The following ZZZ3 variants were observed in gnomAD, a reference collection of about 807,000 sequenced individuals.
The protein encoded by ZZZ3 is ZZ-type zinc finger-containing protein 3.
Under a neutral mutation model 95.2 loss-of-function variants are expected in ZZZ3, and 22 were observed. That is an observed-to-expected ratio of 0.23 (90% CI 0.17 to 0.33). The LOEUF is 0.33. ZZZ3 is among the 10% of genes least tolerant of loss of function. The pLI is 1.00. For missense variants in ZZZ3, 885 were observed against 1,066.5 expected (o/e 0.83, Z 2.37); for synonymous variants, 335 against 358.9 (o/e 0.93, Z 0.75).
intron 1 of ZZZ3, among the ~76,000 whole-genome samples, chr1:77,650,228 A>G (rs1385744780): frequency 6.6e-6 from 1 of 152,210 alleles, no homozygotes; most frequent in Non-Finnish European, 1.5e-5. Flanking sequence ...GGGAACAAAA[A>G]GCATATAGAA....
chr1:77,671,669 T>C, intron 1 of ZZZ3, among the ~76,000 whole-genome samples: 1 of 152,164 alleles, frequency 6.6e-6, no homozygotes, highest in East Asian at 1.9e-4. Flanking sequence ...TGATAATGAA[T>C]AGAGTATCTA....
intron 5 of ZZZ3, among the ~76,000 whole-genome samples, chr1:77,609,791 T>TG (rs1189674898): frequency 6.6e-6 from 1 of 151,998 alleles, no homozygotes; most frequent in Non-Finnish European, 1.5e-5. Context: ...GAATGACCCG[T>TG]GGGTCAATGA....
chr1:77,600,309 T>C (rs1664608536), intron 5 of ZZZ3, among the ~76,000 whole-genome samples: 1 of 152,108 alleles, frequency 6.6e-6, no homozygotes, highest in African/African-American at 2.4e-5. Flanking sequence ...TCTAAATACC[T>C]GAAGAACCAG....
intron 4 of ZZZ3, among the ~76,000 whole-genome samples, chr1:77,635,963 T>C (rs906939140): frequency 6.6e-6 from 1 of 152,136 alleles, no homozygotes; most frequent in African/African-American, 2.4e-5. Context: ...AACTTACTTG[T>C]TTCATGTATC....
chr1:77,606,860 C>T (rs776401592), intron 5 of ZZZ3, among the ~76,000 whole-genome samples: 2 of 152,184 alleles, frequency 1.3e-5, no homozygotes, highest in Non-Finnish European at 2.9e-5. Context: ...AGGACAGCTA[C>T]AAACAAGCCC....
intron 4 of ZZZ3, among the ~76,000 whole-genome samples, chr1:77,638,459 T>C (rs866605233): frequency 6.6e-6 from 1 of 152,308 alleles, no homozygotes; most frequent in Non-Finnish European, 1.5e-5. Context: ...ATAATAATTA[T>C]TAAACAAAAA....
Position 77,633,172 on chromosome 1 carries a change from T to A in ZZZ3, c.183A>T (p.Lys61Asn). Reference sequence around the variant, plus strand: ...CAGTGGTTCTCCCATTATTATTTCCTTTCTGAATTGGCACAGGCTCTGGTC... The same window carrying A: ...CAGTGGTTCTCCCATTATTATTTCCATTCTGAATTGGCACAGGCTCTGGTC... ...KKRPEPVPIQ[K>N]GNNNGRTTDL... Residue 61 changes from lysine to asparagine, a missense_variant, in exon 5 of 15, where the codon AAA becomes AAT. Coordinates refer to ENST00000370801, the MANE Select transcript of ZZZ3 (RefSeq NM_015534.6). 6.2e-7 allele frequency: 1 copy of A among 1,614,064 alleles called. No homozygotes were observed.
At chr1:77,571,715 G>T (rs936015912) in intron 12 of ZZZ3, among the ~76,000 whole-genome samples, 1 of 152,146 alleles carries the variant, frequency 6.6e-6, no homozygotes, top group Admixed American at 6.5e-5. Context: ...ACTTATTTGA[G>T]GTATGTAGAG....
intron 1 of ZZZ3, among the ~76,000 whole-genome samples, chr1:77,674,249 G>C (rs1026944942): frequency 1.3e-5 from 2 of 152,134 alleles, no homozygotes; most frequent in Admixed American, 1.3e-4. Flanking sequence ...GTACAAATCA[G>C]GTTGAGTTAT....
At chr1:77,589,529 C>T (rs1663456829) in intron 5 of ZZZ3, among the ~76,000 whole-genome samples, 1 of 151,900 alleles carries the variant, frequency 6.6e-6, no homozygotes, top group Non-Finnish European at 1.5e-5. Context: ...CCTCAAACTC[C>T]TGGGCTAAAG....
chr1:77,628,825 C>T (rs1667540667), intron 5 of ZZZ3, among the ~76,000 whole-genome samples: 1 of 152,206 alleles, frequency 6.6e-6, no homozygotes, highest in Non-Finnish European at 1.5e-5. Context: ...TCATTCCCTA[C>T]TGGTAGAGAT....
chr1:77,588,838 A>G (rs187448791), intron 5 of ZZZ3, among the ~76,000 whole-genome samples: 2 of 152,328 alleles, frequency 1.3e-5, no homozygotes, highest in East Asian at 1.9e-4. Flanking sequence ...ATCTTACACA[A>G]TGCTAACAAC....
intron 5 of ZZZ3, among the ~76,000 whole-genome samples, chr1:77,613,983 T>G (rs1666068679): frequency 6.6e-6 from 1 of 152,162 alleles, no homozygotes; most frequent in Non-Finnish European, 1.5e-5. Flanking sequence ...GCATGACATC[T>G]TTTTAAAAAC....
intron 5 of ZZZ3, among the ~76,000 whole-genome samples, chr1:77,603,159 G>A (rs1442749781): frequency 6.6e-6 from 1 of 151,894 alleles, no homozygotes; most frequent in African/African-American, 2.4e-5. Context: ...GCTCACTGCA[G>A]CCTTGATCTC....
chr1:77,681,409 G>A (rs985013669), intron 1 of ZZZ3, among the ~76,000 whole-genome samples: 4 of 151,964 alleles, frequency 2.6e-5, no homozygotes, highest in African/African-American at 7.3e-5. Context: ...ATTTAGTACT[G>A]CAACTACTAA....
At chr1:77,664,367 C>G (rs1424189051) in intron 1 of ZZZ3, among the ~76,000 whole-genome samples, 1 of 152,172 alleles carries the variant, frequency 6.6e-6, no homozygotes, top group African/African-American at 2.4e-5. Flanking sequence ...AATGATCCAT[C>G]AGAATTAACT....
chr1:77,640,994 A>T (rs1025215021), intron 3 of ZZZ3: 2 of 152,238 alleles, frequency 1.3e-5, no homozygotes, highest in Admixed American at 1.3e-4. Flanking sequence ...ACTACAGTAC[A>T]TTAAGAAATG....
intron 12 of ZZZ3, among the ~76,000 whole-genome samples, chr1:77,574,090 G>GGATATATATATATCTATAGATATA (rs1435085311): frequency 5.5e-5 from 8 of 146,412 alleles, no homozygotes; most frequent in African/African-American, 1.2e-4. Flanking sequence ...TTCTGTAGTG[G>GGATATATATATATCTATAGATATA]GATATATATA....
At position 77,608,597 on chromosome 1, in the gene ZZZ3, AAC is replaced by A. The variant is rs1230381178; in HGVS notation, c.1505+23251_1505+23252del. Among the ~76,000 whole-genome samples the A allele has an allele frequency of 3.9e-5, 6 of 152,220 alleles. No homozygotes were observed. In the East Asian group the frequency reaches 7.7e-4, roughly 20 times the overall value. On this transcript the variant is annotated intron_variant, in intron 5 of 14. Coordinates refer to ENST00000370801, the MANE Select transcript of ZZZ3 (RefSeq NM_015534.6). ...ACTGGCAATAGTAAGTACCCAGGAAAACACAGAATAATATAACACTGTAACTG... is the reference window on the plus strand; with the variant it reads ...ACTGGCAATAGTAAGTACCCAGGAAAACAGAATAATATAACACTGTAACTG...
Sources: gnomAD v4.1 joint callset for allele counts (sites outside exome capture counted in the v4.1 genomes callset) on GRCh38, gnomAD v4.1.1 for gene constraint, MANE v1.5 for transcripts, NCBI Gene and HGNC (gene_info 2026-07-23, HGNC 2026-07-21) for gene names.